Variants in PTGFRN observed in about 807,000 individuals in gnomAD.
PTGFRN encodes prostaglandin F2 receptor negative regulator.
In PTGFRN, 35 loss-of-function variants were observed where a neutral mutation model predicts 83.2. That is an observed-to-expected ratio of 0.42 (90% CI 0.32 to 0.56). The LOEUF is 0.56. Ranked by LOEUF, PTGFRN falls within the 20% of genes least tolerant of loss-of-function variation. The probability of loss-of-function intolerance (pLI) is 0.11; values close to 1 mark genes in which losing one functional copy is unlikely to be tolerated. For synonymous variants in PTGFRN, 519 were observed against 498.6 expected (o/e 1.04, Z -0.55); for missense variants, 1,051 against 1,179.5 (o/e 0.89, Z 1.60).
intron 7 of PTGFRN, among the ~76,000 whole-genome samples, chr1:116,983,121 T>TAAATGTGACAA (rs2101091803): frequency 6.6e-6 from 1 of 152,338 alleles, no homozygotes; most frequent in East Asian, 1.9e-4. Flanking sequence ...GTGGTAAATT[T>TAAATGTGACAA]AACCCTGGGT....
At chr1:116,962,115 C>G (rs1453123889) in intron 5 of PTGFRN, among the ~76,000 whole-genome samples, 1 of 152,206 alleles carries the variant, frequency 6.6e-6, no homozygotes, top group Non-Finnish European at 1.5e-5. Flanking sequence ...CTCCCTGCAG[C>G]TTCCAGGTCG....
intron 2 of PTGFRN, among the ~76,000 whole-genome samples, chr1:116,942,589 T>C (rs1324975414): frequency 1.2e-4 from 18 of 152,214 alleles, no homozygotes; most frequent in Admixed American, 9.8e-4. Context: ...GTCATGTTAA[T>C]GATGCTCAGG....
intron 7 of PTGFRN, among the ~76,000 whole-genome samples, chr1:116,975,243 G>A (rs1016761604): frequency 6.6e-6 from 1 of 152,202 alleles, no homozygotes; most frequent in Non-Finnish European, 1.5e-5. Flanking sequence ...GAACTGGGTG[G>A]AGCCCACTGC....
intron 5 of PTGFRN, among the ~76,000 whole-genome samples, chr1:116,964,018 G>A (rs533277632): frequency 9.1e-4 from 139 of 151,940 alleles, no homozygotes; most frequent in African/African-American, 3.1e-3. Context: ...GACCTCAAAC[G>A]ATCCTCCTGC....
At chr1:116,930,253 A>G (rs998932145) in intron 1 of PTGFRN, among the ~76,000 whole-genome samples, 3 of 152,238 alleles carry the variant, frequency 2.0e-5, no homozygotes, top group Non-Finnish European at 4.4e-5. Flanking sequence ...CTGCTAGGGC[A>G]TAAGCCTTTC....
rs543485950 is a variant in PTGFRN at position 116,972,646 on chromosome 1, C to A, written c.2060-1570C>A. Among the ~76,000 whole-genome samples the A allele has an allele frequency of 2.0e-5, 3 of 152,324 alleles. No homozygotes were observed. In the South Asian group the frequency reaches 6.2e-4, roughly 32 times the overall value. Reference sequence around the variant, plus strand: ...TATTCTTAACTTCTAATGAGTTTTACAGTCAGCACCTAGGGCCTTCAATCG... The same window carrying A: ...TATTCTTAACTTCTAATGAGTTTTAAAGTCAGCACCTAGGGCCTTCAATCG... On this transcript the variant is annotated intron_variant, in intron 6 of 8. Coordinates refer to ENST00000393203, the MANE Select transcript of PTGFRN (RefSeq NM_020440.4).
At chr1:116,973,104 G>A (rs575967124) in intron 6 of PTGFRN, among the ~76,000 whole-genome samples, 1 of 152,146 alleles carries the variant, frequency 6.6e-6, no homozygotes, top group South Asian at 2.1e-4. Flanking sequence ...TTTTTGTAGA[G>A]GCGGGATTTT....
rs61789097 is a variant in PTGFRN, at chr1:116,974,301, C to T, written c.2145C>T (p.Val715=). ...DLIKLFCIIT[V]EGAALDPDDM... Reference sequence around the variant, plus strand: ...TCAAATTGTTCTGTATCATCACTGTCGAGGGAGCAGCACTGGATCCAGGTA... The same window carrying T: ...TCAAATTGTTCTGTATCATCACTGTTGAGGGAGCAGCACTGGATCCAGGTA... The change falls in exon 7 of 9, where the codon GTC becomes GTT. Residue 715 remains valine, a synonymous_variant. Transcript: ENST00000393203. 6.8e-6 allele frequency: 11 copies of T among 1,610,820 alleles called. No individual in the cohort carries two copies. In the South Asian group the frequency reaches 7.7e-5, roughly 11 times the overall value.
At chr1:116,954,410 G>T (rs1284742678) in intron 4 of PTGFRN, among the ~76,000 whole-genome samples, 1 of 151,326 alleles carries the variant, frequency 6.6e-6, no homozygotes, top group Non-Finnish European at 1.5e-5. Flanking sequence ...TGGTCAATAT[G>T]CTCAGCTGCC....
At chr1:116,944,638 C>T (rs780131016) in intron 2 of PTGFRN, 41 bp from the exon 3 acceptor site, 2 of 1,365,690 alleles carry the variant, frequency 1.5e-6, no homozygotes, top group Non-Finnish European at 9.5e-7. Context: ...CGGCTGGGGT[C>T]GGTGTGGACG....
chr1:116,971,426 A>G (rs17036665), intron 6 of PTGFRN, among the ~76,000 whole-genome samples: 7,924 of 152,160 alleles, frequency 0.052, 566 homozygotes, highest in East Asian at 0.4. Context: ...AGTAGTTCCT[A>G]TACTCTCTGC....
intron 1 of PTGFRN, among the ~76,000 whole-genome samples, chr1:116,925,650 G>A (rs1649639570): frequency 6.6e-6 from 1 of 152,076 alleles, no homozygotes; most frequent in African/African-American, 2.4e-5. Flanking sequence ...TCCTGATTCT[G>A]CCTTCCCTAA....
Position 116,941,532 on chromosome 1 carries a change from T to A in PTGFRN, c.50-183T>A, listed in dbSNP as rs1184472915. On this transcript the variant is annotated intron_variant, in intron 1 of 8. Transcript: ENST00000393203. The surrounding 1 kb of genome is among the most constrained non-coding windows in gnomAD (Gnocchi z 5.0). ...TGTGTGAGAGATGCTCATTTTGAGG[T>A]TGCATTCCTGGCTCATTATTTAAGG... Among the ~76,000 whole-genome samples the A allele has an allele frequency of 6.6e-6, 1 of 152,196 alleles. No homozygotes were observed. Among genetic ancestry groups the A allele is most frequent in the African/African-American group, 2.4e-5 (1 of 41,452 alleles).
chr1:116,978,715 A>G (rs1284014396), intron 7 of PTGFRN, among the ~76,000 whole-genome samples: 1 of 152,232 alleles, frequency 6.6e-6, no homozygotes, highest in African/African-American at 2.4e-5. Flanking sequence ...TATTGATGGG[A>G]CGTATCTCAA....
At position 116,949,093 on chromosome 1, in the gene PTGFRN, G is replaced by A. The variant is rs1239782935; in HGVS notation, c.833-99G>A. 2.8e-6 allele frequency: 4 copies of A among 1,435,808 alleles called. No homozygotes were observed. The African/African-American group carries it at 4.3e-5, about 15-fold the overall frequency. The allele number at this position is 1,435,808 out of a possible 1,614,324, so 88.9% of individuals were successfully genotyped here. On this transcript the variant is annotated intron_variant, in intron 3 of 8. Coordinates refer to ENST00000393203, the MANE Select transcript of PTGFRN (RefSeq NM_020440.4). ...TACAAAGCCTTCTAACTTTAATGCT[G>A]TAAATAAGAACTTAAAAGGAGATGC...
chr1:116,966,706 C>G (rs1650844417), intron 5 of PTGFRN, among the ~76,000 whole-genome samples: 1 of 152,246 alleles, frequency 6.6e-6, no homozygotes, highest in South Asian at 2.1e-4. Context: ...CCCACTGATT[C>G]ATTTCAGACT....
At chr1:116,974,574 C>A (rs1423970996) in intron 7 of PTGFRN, 1 of 407,322 alleles carries the variant, frequency 2.5e-6, no homozygotes, top group Non-Finnish European at 4.3e-6. Flanking sequence ...AGTGGGGTCA[C>A]TTCCAGGCCT....
At chr1:116,920,870 T>G (rs1399652164) in intron 1 of PTGFRN, among the ~76,000 whole-genome samples, 1 of 152,144 alleles carries the variant, frequency 6.6e-6, no homozygotes, top group Non-Finnish European at 1.5e-5. Flanking sequence ...GTGATCCACC[T>G]GCCTCAGCCT....
intron 1 of PTGFRN, among the ~76,000 whole-genome samples, chr1:116,917,138 A>C (rs1649424862): frequency 6.6e-6 from 1 of 152,180 alleles, no homozygotes; most frequent in African/African-American, 2.4e-5. Flanking sequence ...GGATATGGGC[A>C]CTGTGAAGTC....
Sources: gnomAD v4.1 joint callset for allele counts (sites outside exome capture counted in the v4.1 genomes callset) on GRCh38, gnomAD v4.1.1 for gene constraint, Gnocchi (gnomAD v3.1) non-coding constraint, MANE v1.5 for transcripts, NCBI Gene and HGNC (gene_info 2026-07-23, HGNC 2026-07-21) for gene names.